Variants in INPP5D observed in about 807,000 individuals in gnomAD.
The protein encoded by INPP5D is inositol polyphosphate-5-phosphatase D.
INPP5D carries 33 observed loss-of-function variants against 122.9 expected under a neutral mutation model. That is an observed-to-expected ratio of 0.27 (90% CI 0.20 to 0.36). The LOEUF is 0.36. Ranked by LOEUF, INPP5D falls within the 10% of genes least tolerant of loss-of-function variation. INPP5D has a pLI of 1.00. For missense variants in INPP5D, 1,053 were observed against 1,412.7 expected, an observed-to-expected ratio of 0.75 and a Z score of 4.08; for synonymous variants, 584 against 576.2, an observed-to-expected ratio of 1.01 and a Z score of -0.19.
At chr2:233,141,970 A>G (rs1449433440) in intron 6 of INPP5D, among the ~76,000 whole-genome samples, 1 of 152,258 alleles carries the variant, frequency 6.6e-6, no homozygotes, top group African/African-American at 2.4e-5. Context: ...GAAGTGAATG[A>G]TGGGTTAATT....
At position 233,130,497 on chromosome 2, in the gene INPP5D, C is replaced by G. The variant is rs750091123; in HGVS notation, c.525-11C>G. ...GGCAAGCATAGTTTGTTTCTTTTTT[C>G]TTTTCTTTAGGCTTCCAGAAGAGCA... On this transcript the variant is annotated splice_polypyrimidine_tract_variant and intron_variant, in intron 4 of 26. Coordinates refer to ENST00000445964, the MANE Select transcript of INPP5D (RefSeq NM_001017915.3). The G allele has an allele frequency of 3.1e-6, 5 of 1,608,182 alleles. No homozygotes were observed. Among genetic ancestry groups the G allele is most frequent in the South Asian group, 1.1e-5 (1 of 90,294 alleles).
intron 2 of INPP5D, among the ~76,000 whole-genome samples, chr2:233,114,255 A>G (rs1450585651): frequency 6.6e-6 from 1 of 152,190 alleles, no homozygotes; most frequent in East Asian, 1.9e-4. Flanking sequence ...CCAGGCCCCA[A>G]GGGCCCAAGA....
rs10929181 is a variant in INPP5D at position 233,164,994 on chromosome 2, C to T, written c.1555+570C>T. 0.22 allele frequency among the ~76,000 whole-genome samples: 34,105 copies of T among 152,074 alleles called. 4,031 individuals carry two copies. The highest frequency in any genetic ancestry group is 0.42 in the East Asian group (2,161 of 5,160). Reference sequence around the variant, plus strand: ...CTGTGCACCAGGTTGGATCTGGAAACGCTGGTGTCAGTGGAGAGTTGCTGG... The same window carrying T: ...CTGTGCACCAGGTTGGATCTGGAAATGCTGGTGTCAGTGGAGAGTTGCTGG... On this transcript the variant is annotated intron_variant, in intron 13 of 26. Coordinates refer to ENST00000445964, the MANE Select transcript of INPP5D (RefSeq NM_001017915.3). The surrounding 1 kb of genome is among the most constrained non-coding windows in gnomAD (Gnocchi z 4.3).
At chr2:233,159,816 C>A (rs900186197) in intron 10 of INPP5D, among the ~76,000 whole-genome samples, 3 of 152,204 alleles carry the variant, frequency 2.0e-5, no homozygotes, top group East Asian at 3.9e-4. Context: ...GGTGCAGGCC[C>A]ACAGTGATAG....
intron 5 of INPP5D, among the ~76,000 whole-genome samples, chr2:233,138,998 C>T (rs913050296): frequency 4.6e-5 from 7 of 151,944 alleles, no homozygotes; most frequent in Non-Finnish European, 8.8e-5. Flanking sequence ...TCGTGATCCG[C>T]CTGCCTCAGC....
chr2:233,163,133 C>T (rs1363135620), intron 11 of INPP5D, among the ~76,000 whole-genome samples: 1 of 152,244 alleles, frequency 6.6e-6, no homozygotes, highest in African/African-American at 2.4e-5. Context: ...ACAAAGTTTG[C>T]TCATCCTTCA....
chr2:233,182,626 A>C, intron 19 of INPP5D, 127 bp downstream of exon 19: 1 of 1,407,464 alleles, frequency 7.1e-7, no homozygotes, highest in East Asian at 2.7e-5. Flanking sequence ...AGTCCACAAT[A>C]TCAGTCAGTT....
At chr2:233,127,860 G>A (rs943894939) in intron 4 of INPP5D, among the ~76,000 whole-genome samples, 12 of 152,102 alleles carry the variant, frequency 7.9e-5, no homozygotes, top group African/African-American at 2.9e-4. Context: ...TGCCCGCCTC[G>A]ACCTCCCAAA....
At position 233,100,904 on chromosome 2, in the gene INPP5D, G is replaced by T. The variant is rs187457991; in HGVS notation, c.199-21203G>T. Reference sequence around the variant, plus strand: ...ATCTCACCTACCCCTCAAAGAAGGCGGAAGCTTCCTGTCGTGGTCTGGCCC... The same window carrying T: ...ATCTCACCTACCCCTCAAAGAAGGCTGAAGCTTCCTGTCGTGGTCTGGCCC... On this transcript the variant is annotated intron_variant, in intron 2 of 26. Transcript: ENST00000445964. This position sits in a 1 kb window ranked among gnomAD's most constrained non-coding sequence, Gnocchi z 5.3. Among the ~76,000 whole-genome samples, 2 of 148,238 alleles carry T rather than the reference G, an allele frequency of 1.3e-5. No homozygotes were observed. Among genetic ancestry groups the T allele is most frequent in the Admixed American group, 1.3e-4 (2 of 15,002 alleles).
At chr2:233,144,392 G>GT (rs1574761803) in intron 6 of INPP5D, among the ~76,000 whole-genome samples, 1 of 144,952 alleles carries the variant, frequency 6.9e-6, no homozygotes, top group African/African-American at 2.6e-5. Flanking sequence ...GATCACGGTG[G>GT]GAGTGATAGG....
At chr2:233,201,572 AG>A (rs1695342985) in intron 25 of INPP5D, among the ~76,000 whole-genome samples, 1 of 152,210 alleles carries the variant, frequency 6.6e-6, no homozygotes, top group Non-Finnish European at 1.5e-5. Context: ...AGGCTGTGGA[AG>A]GGGGTGTTCC....
Position 233,069,608 on chromosome 2 carries a change from A to G in INPP5D, c.134+8996A>G, listed in dbSNP as rs938768720. On this transcript the variant is annotated intron_variant, in intron 1 of 26. Coordinates refer to ENST00000445964, the MANE Select transcript of INPP5D (RefSeq NM_001017915.3). ...GTTAGAATTTCTTCCTAAATATCAT[A>G]TTTTAATTTTAGTCTGAGATTTCTA... 2.6e-5 allele frequency among the ~76,000 whole-genome samples: 4 copies of G among 152,082 alleles called. No individual in the cohort carries two copies. The South Asian group carries it at 8.3e-4, about 32-fold the overall frequency.
intron 6 of INPP5D, among the ~76,000 whole-genome samples, chr2:233,144,990 A>T (rs1440679267): frequency 6.6e-6 from 1 of 152,088 alleles, no homozygotes; most frequent in Admixed American, 6.5e-5. Flanking sequence ...GGTGAGGTAA[A>T]GGGACATCAC....
intron 5 of INPP5D, chr2:233,131,042 AG>A (rs1187836397): frequency 1.0e-5 from 3 of 293,586 alleles, no homozygotes; most frequent in African/African-American, 6.8e-5. Context: ...AATAAATTAA[AG>A]TTAGTCTATT....
chr2:233,203,039 A>G (rs937395341), intron 25 of INPP5D, among the ~76,000 whole-genome samples: 4 of 152,168 alleles, frequency 2.6e-5, no homozygotes, highest in Admixed American at 2.6e-4. Context: ...TGGGAAGGAC[A>G]CTGTGTTAAC....
intron 1 of INPP5D, among the ~76,000 whole-genome samples, chr2:233,075,013 GTAGAAC>G (rs1341336248): frequency 5.9e-5 from 9 of 152,066 alleles, no homozygotes; most frequent in Non-Finnish European, 1.2e-4. Context: ...CCATATTAGA[GTAGAAC>G]TTCTCGTACT....
intron 2 of INPP5D, among the ~76,000 whole-genome samples, chr2:233,081,468 A>G (rs1691686704): frequency 6.6e-6 from 1 of 152,198 alleles, no homozygotes; most frequent in Non-Finnish European, 1.5e-5. Flanking sequence ...TGGAAAAGAC[A>G]TGACTCTGTG....
At chr2:233,178,907 C>T (rs1694715479) in intron 18 of INPP5D, among the ~76,000 whole-genome samples, 1 of 152,198 alleles carries the variant, frequency 6.6e-6, no homozygotes, top group Admixed American at 6.5e-5. Context: ...TTTGTGGCTC[C>T]CACTCTGTCT....
intron 1 of INPP5D, among the ~76,000 whole-genome samples, chr2:233,068,462 G>C (rs1474749561): frequency 6.6e-6 from 1 of 151,982 alleles, no homozygotes; most frequent in Non-Finnish European, 1.5e-5. Flanking sequence ...GGGCATGGTG[G>C]CGGGTGCCTG....
Sources: gnomAD v4.1 joint callset for allele counts (sites outside exome capture counted in the v4.1 genomes callset) on GRCh38, gnomAD v4.1.1 for gene constraint, Gnocchi (gnomAD v3.1) non-coding constraint, MANE v1.5 for transcripts, NCBI Gene and HGNC (gene_info 2026-07-23, HGNC 2026-07-21) for gene names.